The following KATNIP variants were observed in gnomAD, a reference collection of about 807,000 sequenced individuals.
The protein encoded by KATNIP is katanin interacting protein.
KATNIP carries 126 observed loss-of-function variants against 174.0 expected under a neutral mutation model. That is an observed-to-expected ratio of 0.72 (90% confidence interval 0.63 to 0.84). The LOEUF (loss-of-function observed/expected upper bound fraction) is 0.84, where lower values mean the gene tolerates loss of function less well. KATNIP is among the 40% of genes least tolerant of loss of function. The pLI, the probability that KATNIP is intolerant of heterozygous loss-of-function variation, is 0.00. For missense variants in KATNIP, 1,958 were observed against 2,109.7 expected (o/e 0.93, Z 1.41); for synonymous variants, 810 against 835.7 (o/e 0.97, Z 0.53).
chr16:27,567,272 A>G (rs2090127580), intron 1 of KATNIP, among the ~76,000 whole-genome samples: 1 of 152,222 alleles, frequency 6.6e-6, no homozygotes, highest in Non-Finnish European at 1.5e-5. Context: ...GCCTTTGGAC[A>G]TTGCATATTT....
intron 3 of KATNIP, 61 bp from the exon 4 acceptor site, chr16:27,628,600 G>A (rs537685752): frequency 1.3e-6 from 2 of 1,557,564 alleles, no homozygotes; most frequent in Non-Finnish European, 8.8e-7. Flanking sequence ...TCCTGGCTTG[G>A]GGGTACAGCA....
rs778402401 is a variant in KATNIP at position 27,749,907 on chromosome 16, T to G, written c.2947T>G (p.Ser983Ala). The G allele has an allele frequency of 1.9e-6, 3 of 1,614,162 alleles. No homozygotes were observed. Among genetic ancestry groups the G allele is most frequent in the Non-Finnish European group, 2.5e-6 (3 of 1,180,018 alleles). The change falls in exon 16 of 28, where the codon TCT becomes GCT. Residue 983 changes from serine (S) to alanine (A), a missense_variant. Ser to Ala is a moderately conservative substitution (Grantham distance 99). Around this residue, in one of 3 missense-constraint regions of KATNIP, gnomAD observed 1,557 missense variants for 1,617.8 expected, o/e 0.96. Coordinates refer to ENST00000261588, the MANE Select transcript of KATNIP (RefSeq NM_015202.5). ...YGQRLVIDIK[S>A]TWGDRHYVGL... Reference sequence around the variant, plus strand: ...ACAGCGCTTGGTCATTGACATCAAGTCTACCTGGGGGGACAGACACTATGT... The same window carrying G: ...ACAGCGCTTGGTCATTGACATCAAGGCTACCTGGGGGGACAGACACTATGT...
chr16:27,668,626 T>C (rs2077772966), intron 6 of KATNIP, among the ~76,000 whole-genome samples: 1 of 152,242 alleles, frequency 6.6e-6, no homozygotes, highest in Admixed American at 6.5e-5. Flanking sequence ...CTGCCATTAC[T>C]GGCCATGTGA....
rs533145141 is a variant in KATNIP at position 27,736,308 on chromosome 16, A to T, written c.1744-3733A>T. On this transcript the variant is annotated intron_variant, in intron 14 of 27. Transcript: ENST00000261588. ...ATGAGCCACTGCGCCTGGCCCAAAA[A>T]TAATTGTTGGGTGGCTACAATGTGC... Among the ~76,000 whole-genome samples the T allele has an allele frequency of 3.4e-4, 52 of 152,308 alleles. 1 individual carries two copies. The South Asian group carries it at 0.011, about 32-fold the overall frequency.
chr16:27,708,883 C>T lies in KATNIP; in HGVS notation c.1568C>T (p.Pro523Leu). ...GTGGATATCCGGAACACAGCCACGC[C>T]TGGGGAGCTGGGCCGCCTCGTCAAC... Reference protein sequence around the residue: ...HDVDIRNTATPGELGRLVNRN... With the variant: ...HDVDIRNTATLGELGRLVNRN... Residue 523 changes from proline to leucine, a missense_variant, in exon 13 of 28, where the codon CCT (proline) becomes CTT (leucine). Physicochemically the swap from Pro to Leu is moderately conservative, Grantham distance 98 (BLOSUM62 -3). This residue lies in a region of KATNIP where 1,557 missense variants were observed against 1,617.8 expected (regional missense o/e 0.96). Transcript: ENST00000261588. 2.5e-6 allele frequency: 4 copies of T among 1,613,610 alleles called. No individual in the cohort carries two copies. The highest frequency in any genetic ancestry group is 3.4e-6 in the Non-Finnish European group (4 of 1,179,932).
chr16:27,756,025 G>T (rs190288674), intron 18 of KATNIP, among the ~76,000 whole-genome samples: 1 of 152,144 alleles, frequency 6.6e-6, no homozygotes, highest in Non-Finnish European at 1.5e-5. Context: ...AGCACTTCCC[G>T]CCACCAGAGG....
At chr16:27,743,217 C>T (rs900421931) in intron 15 of KATNIP, among the ~76,000 whole-genome samples, 1 of 152,178 alleles carries the variant, frequency 6.6e-6, no homozygotes, top group Non-Finnish European at 1.5e-5. Context: ...GTATAGTATT[C>T]CATGGTGTAT....
chr16:27,587,921 C>CTTTTCT (rs2090961361), intron 2 of KATNIP, among the ~76,000 whole-genome samples: 2 of 106,736 alleles, frequency 1.9e-5, no homozygotes, highest in African/African-American at 7.0e-5. Flanking sequence ...CTTTTCTTTT[C>CTTTTCT]TTTTTTTTTT....
rs538478579 is a variant in KATNIP at position 27,561,925 on chromosome 16, A to G, written c.7+11748A>G. ...GGTAATGTAAATGACTGTCCTGGCC[A>G]GAGTTTATTTCATTATGCTGCTTGT... On this transcript the variant is annotated intron_variant, in intron 1 of 27. Coordinates refer to ENST00000261588, the MANE Select transcript of KATNIP (RefSeq NM_015202.5). 2.9e-3 allele frequency among the ~76,000 whole-genome samples: 442 copies of G among 152,344 alleles called. 1 individual carries two copies. The highest frequency in any genetic ancestry group is 6.8e-3 in the South Asian group (33 of 4,832).
intron 1 of KATNIP, among the ~76,000 whole-genome samples, chr16:27,558,956 G>C (rs2089740820): frequency 6.6e-6 from 1 of 152,198 alleles, no homozygotes; most frequent in Admixed American, 6.5e-5. Context: ...TGTGTGGCCA[G>C]GTTCTCACAC....
At chr16:27,739,993 T>G in intron 14 of KATNIP, 48 bp from the exon 15 acceptor site, 2 of 1,541,524 alleles carry the variant, frequency 1.3e-6, no homozygotes. Flanking sequence ...ATTTCATACA[T>G]CAGTCTGATG....
chr16:27,633,387 T>G (rs943147123), intron 5 of KATNIP, among the ~76,000 whole-genome samples: 1 of 150,802 alleles, frequency 6.6e-6, no homozygotes, highest in Non-Finnish European at 1.5e-5. Flanking sequence ...TTAAAATTTA[T>G]TTTTGTACTA....
intron 1 of KATNIP, among the ~76,000 whole-genome samples, chr16:27,551,970 A>T (rs1385377216): frequency 6.6e-6 from 1 of 152,166 alleles, no homozygotes; most frequent in Admixed American, 6.6e-5. Flanking sequence ...TGGGAGGCTG[A>T]AGTGGGTGGA....
intron 2 of KATNIP, among the ~76,000 whole-genome samples, chr16:27,604,554 A>G (rs2075641134): frequency 6.6e-6 from 1 of 152,142 alleles, no homozygotes; most frequent in Admixed American, 6.5e-5. Flanking sequence ...TTTGGAAATC[A>G]TCTGTCTTCC....
chr16:27,570,756 A>G (rs1350829330), intron 1 of KATNIP, among the ~76,000 whole-genome samples: 1 of 152,060 alleles, frequency 6.6e-6, no homozygotes, highest in African/African-American at 2.4e-5. Context: ...TCATCTCTGC[A>G]ATTTTGCAGC....
intron 6 of KATNIP, among the ~76,000 whole-genome samples, chr16:27,669,636 A>G (rs1355815665): frequency 6.6e-6 from 1 of 152,100 alleles, no homozygotes; most frequent in African/African-American, 2.4e-5. Flanking sequence ...AAGGTTTTGA[A>G]CGGCTTCCTC....
At chr16:27,687,393 T>G (rs1323629777) in intron 8 of KATNIP, 1 of 152,230 alleles carries the variant, frequency 6.6e-6, no homozygotes, top group African/African-American at 2.4e-5. Flanking sequence ...TTAGATAGTC[T>G]GCTATTCCAG....
At chr16:27,585,860 GGGA>G (rs1465022957) in intron 2 of KATNIP, among the ~76,000 whole-genome samples, 1 of 152,150 alleles carries the variant, frequency 6.6e-6, no homozygotes, top group Non-Finnish European at 1.5e-5. Context: ...CCAGCACTTT[GGGA>G]GGCCGAGGCA....
intron 14 of KATNIP, among the ~76,000 whole-genome samples, chr16:27,725,430 G>A (rs2080408092): frequency 6.6e-6 from 1 of 152,190 alleles, no homozygotes; most frequent in African/African-American, 2.4e-5. Context: ...CGAGGAAAGG[G>A]TGTGATGATT....
Sources: gnomAD v4.1 joint callset for allele counts (sites outside exome capture counted in the v4.1 genomes callset) on GRCh38, gnomAD v4.1.1 for gene constraint, gnomAD v4.1.1 regional missense constraint, MANE v1.5 for transcripts, NCBI Gene and HGNC (gene_info 2026-07-23, HGNC 2026-07-21) for gene names.